Variants in OR5AU1 observed in about 807,000 individuals in gnomAD.
OR5AU1 encodes olfactory receptor family 5 subfamily AU member 1.
For missense variants in OR5AU1, 415 were observed against 374.2 expected (o/e 1.11, Z -0.90); for synonymous variants, 169 against 152.0 (o/e 1.11, Z -0.82).
Position 21,155,781 on chromosome 14 carries a change from A to G in OR5AU1, c.92T>C (p.Phe31Ser). 1.2e-6 allele frequency: 2 copies of G among 1,614,126 alleles called. No individual in the cohort carries two copies. Among genetic ancestry groups the G allele is most frequent in the Non-Finnish European group, 1.7e-6 (2 of 1,180,000 alleles). Residue 31 changes from phenylalanine (F) to serine (S), a missense_variant, in exon 1 of 1, where the codon TTC becomes TCC. Coordinates refer to ENST00000304418, the MANE Select transcript of OR5AU1 (RefSeq NM_001004731.3). ...CAGAGTGGCTGTGTACATGCCCAGGAACACCACGAAGAGCAGCCTCTGGAG... is the reference window on the plus strand; with the variant it reads ...CAGAGTGGCTGTGTACATGCCCAGGGACACCACGAAGAGCAGCCTCTGGAG... ...PQLQRLLFVV[F>S]LGMYTATLLG...
In OR5AU1 at chr14:21,155,609, C is replaced by T. The variant is rs1481028038; in HGVS notation, c.264G>A (p.Lys88=). 1.9e-6 allele frequency: 3 copies of T among 1,614,160 alleles called. No homozygotes were observed. The highest frequency in any genetic ancestry group is 3.3e-5 in the Admixed American group (2 of 60,022). Reference sequence around the variant, plus strand: ...AGCCAAAATAAGAGATCACTTTCCTCTTGGCCAAGAAGTTCACCAGGGTCT... The same window carrying T: ...AGCCAAAATAAGAGATCACTTTCCTTTTGGCCAAGAAGTTCACCAGGGTCT... The part of the protein sequence containing the change: ...VPQTLVNFLA[K]RKVISYFGCM... Residue 88 remains lysine (K), a synonymous_variant, in exon 1 of 1, where the codon AAG becomes AAA. Transcript: ENST00000304418.
In OR5AU1 at chr14:21,155,228, C is replaced by T; in HGVS notation, c.645G>A (p.Leu215=). The T allele has an allele frequency of 6.2e-7, 1 of 1,614,054 alleles. No individual in the cohort carries two copies. Residue 215 remains leucine (L), a synonymous_variant, in exon 1 of 1, where the codon TTG becomes TTA. Coordinates refer to ENST00000304418, the MANE Select transcript of OR5AU1 (RefSeq NM_001004731.3). ...TGTTGAGAATTAAGAAGTAGGAGATCAAGATGGTGAGGGTGCAGCTCAAAA... is the reference window on the plus strand; with the variant it reads ...TGTTGAGAATTAAGAAGTAGGAGATTAAGATGGTGAGGGTGCAGCTCAAAA... ...FNLLSCTLTI[L]ISYFLILNTI... is the part of the protein sequence containing the mutation.
At position 21,155,213 on chromosome 14, in the gene OR5AU1, TAAG is replaced by T; in HGVS notation, c.657_659del (p.Phe219del). On this transcript the variant is annotated inframe_deletion, in exon 1 of 1. Transcript: ENST00000304418. ...TCATTTTCAGGATGGTGTTGAGAAT[TAAG>T]AAGTAGGAGATCAAGATGGTGAGGG... is the stretch of plus-strand genomic sequence containing the variant. 1 of 1,613,962 alleles carries T rather than the reference TAAG, an allele frequency of 6.2e-7. No homozygotes were observed. The highest frequency in any genetic ancestry group is 1.6e-4 in the Middle Eastern group (1 of 6,062).
At position 21,154,958 on chromosome 14, in the gene OR5AU1, C is replaced by T. The variant is rs562622063; in HGVS notation, c.915G>A (p.Trp305Ter). ...GAAATCATTCCATTGTTTTCCTACC[C>T]CAAACCTTTATTAAAGCTTTCTTCA... ...KDVKKALIKV[W>*]GRKTME Residue 305 changes from tryptophan to a stop codon, truncating the protein, a stop_gained, in exon 1 of 1, where the codon TGG becomes TGA. Coordinates refer to ENST00000304418, the MANE Select transcript of OR5AU1 (RefSeq NM_001004731.3). LOFTEE classifies it high-confidence loss of function. 83 of 1,607,980 alleles carry T rather than the reference C, an allele frequency of 5.2e-5. No individual in the cohort carries two copies. In the East Asian group the frequency reaches 1.7e-3, roughly 33 times the overall value.
rs1566572044 is a variant in OR5AU1, at chr14:21,154,896, T to G, written c.*41A>C. Reference sequence around the variant, plus strand: ...GGGTGACACCACCTAAGGTAAAAGTTCCCTTGACTTTCTAAAGATATGTGG... The same window carrying G: ...GGGTGACACCACCTAAGGTAAAAGTGCCCTTGACTTTCTAAAGATATGTGG... On this transcript the variant is annotated 3_prime_UTR_variant, in exon 1 of 1. Transcript: ENST00000304418. 6.4e-7 allele frequency: 1 copy of G among 1,567,538 alleles called. No homozygotes were observed. The highest frequency in any genetic ancestry group is 1.8e-5 in the Admixed American group (1 of 56,486).
At position 21,155,013 on chromosome 14, in the gene OR5AU1, G is replaced by A; in HGVS notation, c.860C>T (p.Pro287Leu). Residue 287 changes from proline (P) to leucine (L), a missense_variant, in exon 1 of 1, where the codon CCC becomes CTC. Physicochemically the swap from Pro to Leu is moderately conservative, Grantham distance 98. Coordinates refer to ENST00000304418, the MANE Select transcript of OR5AU1 (RefSeq NM_001004731.3). The part of the protein sequence containing the change: ...IYTVVIPVLN[P>L]LMYSLRNKDV... ...CTTGTTTCTCAAAGAGTACATGAGG[G>A]GGTTCAGCACTGGGATCACCACTGT... is the stretch of plus-strand genomic sequence containing the variant. 1 of 1,614,066 alleles carries A rather than the reference G, an allele frequency of 6.2e-7. No individual in the cohort carries two copies. The highest frequency in any genetic ancestry group is 2.2e-5 in the East Asian group (1 of 44,880).
chr14:21,156,035 CTT>C lies in OR5AU1; in HGVS notation c.-165_-164del. On this transcript the variant is annotated 5_prime_UTR_variant, in exon 1 of 1. Transcript: ENST00000304418. ...GATGAAACTCTGTCATAGAGAGGAT[CTT>C]TTCTCCTTGGTTGGTTGGTTAGTTG... 6.2e-7 allele frequency: 1 copy of C among 1,604,814 alleles called. No homozygotes were observed. The highest frequency in any genetic ancestry group is 8.5e-7 in the Non-Finnish European group (1 of 1,173,970).
chr14:21,155,214 A>G lies in OR5AU1; in HGVS notation c.659T>C (p.Leu220Ser). 6.2e-7 allele frequency: 1 copy of G among 1,614,126 alleles called. No homozygotes were observed. Among genetic ancestry groups the G allele is most frequent in the Non-Finnish European group, 8.5e-7 (1 of 1,180,008 alleles). ...CTLTILISYF[L>S]ILNTILKMSS... Reference sequence around the variant, plus strand: ...CATTTTCAGGATGGTGTTGAGAATTAAGAAGTAGGAGATCAAGATGGTGAG... The same window carrying G: ...CATTTTCAGGATGGTGTTGAGAATTGAGAAGTAGGAGATCAAGATGGTGAG... The change falls in exon 1 of 1, where the codon TTA becomes TCA. Residue 220 changes from leucine (L) to serine (S), a missense_variant. Physicochemically the swap from Leu to Ser is moderately radical, Grantham distance 145. Transcript: ENST00000304418.
In OR5AU1 at chr14:21,155,652, G is replaced by A. The variant is rs756449747; in HGVS notation, c.221C>T (p.Ser74Phe). 4.3e-5 allele frequency: 69 copies of A among 1,614,076 alleles called. No individual in the cohort carries two copies. Among genetic ancestry groups the A allele is most frequent in the Non-Finnish European group, 4.2e-5 (49 of 1,180,040 alleles). The change falls in exon 1 of 1, where the codon TCC becomes TTC. Residue 74 changes from serine to phenylalanine, a missense_variant. Ser to Phe is a radical substitution (Grantham distance 155). Coordinates refer to ENST00000304418, the MANE Select transcript of OR5AU1 (RefSeq NM_001004731.3). ...KSLSFLDFCY[S>F]STVVPQTLVN... ...CAGGGTCTGGGGCACAACCGTGGAGGAGTAGCAGAAATCCAAGAAGGAGAG... is the reference window on the plus strand; with the variant it reads ...CAGGGTCTGGGGCACAACCGTGGAGAAGTAGCAGAAATCCAAGAAGGAGAG...
At position 21,155,318 on chromosome 14, in the gene OR5AU1, C is replaced by G; in HGVS notation, c.555G>C (p.Leu185=). The part of the protein sequence containing the change: ...THFFCDGPPI[L]SLSCVDTSLC... ...GTGAGGTGTCTACACAAGACAAGGA[C>G]AGGATGGGTGGCCCATCACAGAAGA... Residue 185 remains leucine (L), a synonymous_variant, in exon 1 of 1, where the codon CTG becomes CTC. Transcript: ENST00000304418. 6.2e-7 allele frequency: 1 copy of G among 1,613,808 alleles called. No homozygotes were observed. Among genetic ancestry groups the G allele is most frequent in the Non-Finnish European group, 8.5e-7 (1 of 1,179,992 alleles).
Position 21,155,824 on chromosome 14 carries a change from G to T in OR5AU1, c.49C>A (p.Leu17Ile). Reference protein sequence around the residue: ...SQGMEFELLGLTTDPQLQRLL... With the variant: ...SQGMEFELLGITTDPQLQRLL... ...CTCTGGAGCTGGGGGTCAGTGGTGA[G>T]GCCCAAGAGCTCAAACTCCATCCCT... The change falls in exon 1 of 1, where the codon CTC becomes ATC. Residue 17 changes from leucine to isoleucine, a missense_variant. Coordinates refer to ENST00000304418, the MANE Select transcript of OR5AU1 (RefSeq NM_001004731.3). 1 of 1,614,130 alleles carries T rather than the reference G, an allele frequency of 6.2e-7. No individual in the cohort carries two copies. The highest frequency in any genetic ancestry group is 1.3e-5 in the African/African-American group (1 of 75,032).
In OR5AU1 at chr14:21,155,800, T is replaced by C; in HGVS notation, c.73A>G (p.Arg25Gly). 1 of 1,614,128 alleles carries C rather than the reference T, an allele frequency of 6.2e-7. No individual in the cohort carries two copies. The highest frequency in any genetic ancestry group is 8.5e-7 in the Non-Finnish European group (1 of 1,180,006). ...LGLTTDPQLQ[R>G]LLFVVFLGMY... ...CCCAGGAACACCACGAAGAGCAGCC[T>C]CTGGAGCTGGGGGTCAGTGGTGAGG... Residue 25 changes from arginine to glycine, a missense_variant, in exon 1 of 1, where the codon AGG (arginine) becomes GGG (glycine). Coordinates refer to ENST00000304418, the MANE Select transcript of OR5AU1 (RefSeq NM_001004731.3).
Position 21,155,128 on chromosome 14 carries a change from A to C in OR5AU1, c.745T>G (p.Cys249Gly), listed in dbSNP as rs762245109. 1 of 1,614,136 alleles carries C rather than the reference A, an allele frequency of 6.2e-7. No homozygotes were observed. Among genetic ancestry groups the C allele is most frequent in the Admixed American group, 1.7e-5 (1 of 60,006 alleles). ...STCASHLTAI[C>G]LFFGTTLFMY... ...AAAAGTGTTGTGCCAAAGAAGAGGCAGATGGCAGTGAGGTGGGATGCACAG... is the reference window on the plus strand; with the variant it reads ...AAAAGTGTTGTGCCAAAGAAGAGGCCGATGGCAGTGAGGTGGGATGCACAG... Residue 249 changes from cysteine to glycine, a missense_variant, in exon 1 of 1, where the codon TGC becomes GGC. Physicochemically the swap from Cys to Gly is radical, Grantham distance 159. Transcript: ENST00000304418.
chr14:21,155,296 A>T lies in OR5AU1; in HGVS notation c.577T>A (p.Ser193Thr). The T allele has an allele frequency of 6.2e-7, 1 of 1,614,164 alleles. No homozygotes were observed. Residue 193 changes from serine to threonine, a missense_variant, in exon 1 of 1, where the codon TCA (serine) becomes ACA (threonine). Physicochemically the swap from Ser to Thr is moderately conservative, Grantham distance 58. Coordinates refer to ENST00000304418, the MANE Select transcript of OR5AU1 (RefSeq NM_001004731.3). ...ATGAAGAGCAGGATCTCACACAGTG[A>T]GGTGTCTACACAAGACAAGGACAGG... Reference protein sequence around the residue: ...PILSLSCVDTSLCEILLFIFA... With the variant: ...PILSLSCVDTTLCEILLFIFA...
Position 21,155,287 on chromosome 14 carries a change from C to T in OR5AU1, c.586G>A (p.Glu196Lys). Residue 196 changes from glutamate (E) to lysine (K), a missense_variant, in exon 1 of 1, where the codon GAG becomes AAG. Glu to Lys is a moderately conservative substitution (Grantham distance 56). Transcript: ENST00000304418. ...CCAGCAAAAATGAAGAGCAGGATCTCACACAGTGAGGTGTCTACACAAGAC... is the reference window on the plus strand; with the variant it reads ...CCAGCAAAAATGAAGAGCAGGATCTTACACAGTGAGGTGTCTACACAAGAC... ...SLSCVDTSLC[E>K]ILLFIFAGFN... The T allele has an allele frequency of 6.2e-7, 1 of 1,614,118 alleles. No individual in the cohort carries two copies. The highest frequency in any genetic ancestry group is 8.5e-7 in the Non-Finnish European group (1 of 1,180,002).
chr14:21,155,171 C>G lies in OR5AU1; in HGVS notation c.702G>C (p.Arg234Ser). The change falls in exon 1 of 1, where the codon AGG (arginine) becomes AGC (serine). Residue 234 changes from arginine (R) to serine (S), a missense_variant. Physicochemically the swap from Arg to Ser is moderately radical, Grantham distance 110. Transcript: ENST00000304418. ...ATGCACAGGTGGAAAATGCCTTAAA[C>G]CTGCCCTGGGCCGAGCTCATTTTCA... is the stretch of plus-strand genomic sequence containing the variant. ...TILKMSSAQG[R>S]FKAFSTCASH... 6.2e-7 allele frequency: 1 copy of G among 1,614,104 alleles called. No individual in the cohort carries two copies. Among genetic ancestry groups the G allele is most frequent in the Non-Finnish European group, 8.5e-7 (1 of 1,180,006 alleles).
rs754819719 is a variant in OR5AU1, at chr14:21,155,364, C to T, written c.509G>A (p.Gly170Asp). 6.2e-7 allele frequency: 1 copy of T among 1,614,026 alleles called. No homozygotes were observed. The highest frequency in any genetic ancestry group is 8.5e-7 in the Non-Finnish European group (1 of 1,179,942). ...TGCIFSLKFCGAHVVTHFFCD... is the reference protein window; with the variant it reads ...TGCIFSLKFCDAHVVTHFFCD... ...GAAGAAGTGAGTGACGACATGAGCA[C>T]CGCAGAATTTCAGACTAAAGATACA... Residue 170 changes from glycine (G) to aspartate (D), a missense_variant, in exon 1 of 1, where the codon GGT becomes GAT. Transcript: ENST00000304418.
chr14:21,155,120 G>C lies in OR5AU1; in HGVS notation c.753C>G (p.Phe251Leu), dbSNP rs1194221214. The C allele has an allele frequency of 5.6e-6, 9 of 1,614,154 alleles. No individual in the cohort carries two copies. Among genetic ancestry groups the C allele is most frequent in the South Asian group, 1.1e-5 (1 of 91,084 alleles). Residue 251 changes from phenylalanine (F) to leucine (L), a missense_variant, in exon 1 of 1, where the codon TTC becomes TTG. Phe to Leu is a conservative substitution (Grantham distance 22). Coordinates refer to ENST00000304418, the MANE Select transcript of OR5AU1 (RefSeq NM_001004731.3). ...GGTACATAAAAAGTGTTGTGCCAAA[G>C]AAGAGGCAGATGGCAGTGAGGTGGG... ...CASHLTAICL[F>L]FGTTLFMYLR...
Position 21,155,884 on chromosome 14 carries a change from G to T in OR5AU1, c.-12C>A. On this transcript the variant is annotated 5_prime_UTR_variant, in exon 1 of 1. Transcript: ENST00000304418. The stretch of plus-strand genomic sequence containing the variant: ...TTTGCCCCTTTCATCCTTCTCCAGT[G>T]CTCTGCGATGGAGAAAGAAGGCACC... 1 of 1,614,134 alleles carries T rather than the reference G, an allele frequency of 6.2e-7. No individual in the cohort carries two copies. The highest frequency in any genetic ancestry group is 8.5e-7 in the Non-Finnish European group (1 of 1,180,008).
Sources: gnomAD v4.1 joint callset for allele counts on GRCh38, gnomAD v4.1.1 for gene constraint, MANE v1.5 for transcripts, NCBI Gene and HGNC (gene_info 2026-07-23, HGNC 2026-07-21) for gene names.